The following WWOX variants were observed in gnomAD, a reference collection of about 807,000 sequenced individuals.
WWOX encodes WW domain containing oxidoreductase.
WWOX carries 69 observed loss-of-function variants against 46.2 expected under a neutral mutation model. The ratio of observed to expected loss-of-function variants is 1.49; its 90% CI spans 1.23 to 1.82. The LOEUF is 1.82. Among genes scored for constraint, WWOX ranks in the 40% most tolerant of loss-of-function variants. The probability of loss-of-function intolerance (pLI) is 0.00; values close to 1 mark genes in which losing one functional copy is unlikely to be tolerated. For missense variants in WWOX, 919 were observed against 542.6 expected, an observed-to-expected ratio of 1.69 and a Z score of -6.89; for synonymous variants, 359 against 202.6, an observed-to-expected ratio of 1.77 and a Z score of -6.56.
At chr16:78,186,456 T>C (rs1442614670) in intron 5 of WWOX, among the ~76,000 whole-genome samples, 1 of 152,254 alleles carries the variant, frequency 6.6e-6, no homozygotes, top group Non-Finnish European at 1.5e-5. Flanking sequence ...ATTCTTTACA[T>C]TCGTCTTTTA....
At chr16:78,506,937 C>T (rs1479819785) in intron 8 of WWOX, among the ~76,000 whole-genome samples, 4 of 152,080 alleles carry the variant, frequency 2.6e-5, no homozygotes, top group African/African-American at 4.8e-5. Context: ...TGGTCTTGAA[C>T]TCCTGACCTC....
chr16:79,133,566 T>C (rs1271050041), intron 8 of WWOX, among the ~76,000 whole-genome samples: 1 of 152,228 alleles, frequency 6.6e-6, no homozygotes, highest in East Asian at 1.9e-4. Flanking sequence ...TCTGTTTCTT[T>C]ATTATTTTAA....
intron 8 of WWOX, among the ~76,000 whole-genome samples, chr16:79,130,279 A>G (rs1204017900): frequency 6.6e-6 from 1 of 152,238 alleles, no homozygotes; most frequent in South Asian, 2.1e-4. Flanking sequence ...AGTGCTTAGC[A>G]TAGTGCCTGC....
chr16:78,712,388 G>GT (rs1199563813), intron 8 of WWOX, among the ~76,000 whole-genome samples: 4 of 152,010 alleles, frequency 2.6e-5, no homozygotes, highest in Admixed American at 1.3e-4. Flanking sequence ...TGTAGGCCTA[G>GT]TTACTTGGGA....
intron 5 of WWOX, among the ~76,000 whole-genome samples, chr16:78,250,381 T>C (rs2037952253): frequency 6.6e-6 from 1 of 152,218 alleles, no homozygotes; most frequent in Non-Finnish European, 1.5e-5. Flanking sequence ...CTTTGTTTTT[T>C]CCTCTGTAAT....
At chr16:78,372,810 C>G (rs1279947303) in intron 5 of WWOX, among the ~76,000 whole-genome samples, 2 of 152,182 alleles carry the variant, frequency 1.3e-5, no homozygotes, top group Non-Finnish European at 2.9e-5. Flanking sequence ...CTTTCCTAGA[C>G]TTGAATCTCA....
At chr16:78,198,756 A>G (rs981602104) in intron 5 of WWOX, among the ~76,000 whole-genome samples, 2 of 152,168 alleles carry the variant, frequency 1.3e-5, no homozygotes, top group African/African-American at 4.8e-5. Context: ...CAGATTTTGT[A>G]TATTTCGCAT....
intron 8 of WWOX, among the ~76,000 whole-genome samples, chr16:78,840,984 G>A (rs1340922835): frequency 6.6e-6 from 1 of 152,030 alleles, no homozygotes; most frequent in Non-Finnish European, 1.5e-5. Context: ...GTGGCCTTTG[G>A]CACTTAGCAG....
At chr16:78,937,841 T>A (rs1426695279) in intron 8 of WWOX, among the ~76,000 whole-genome samples, 1 of 152,138 alleles carries the variant, frequency 6.6e-6, no homozygotes, top group Non-Finnish European at 1.5e-5. Flanking sequence ...TTGGCCAGGC[T>A]GGTCTGGAAC....
At chr16:78,568,518 C>T (rs1482969088) in intron 8 of WWOX, among the ~76,000 whole-genome samples, 3 of 149,810 alleles carry the variant, frequency 2.0e-5, no homozygotes, top group African/African-American at 7.4e-5. Context: ...CTCTTTCACC[C>T]AGGCTGGAGT....
intron 8 of WWOX, among the ~76,000 whole-genome samples, chr16:79,187,342 C>G (rs1257694802): frequency 1.3e-5 from 2 of 152,184 alleles, no homozygotes; most frequent in Non-Finnish European, 2.9e-5. Flanking sequence ...AAGCATTGAT[C>G]AAATACCTCC....
chr16:78,619,879 G>T lies in WWOX; in HGVS notation c.1056+187127G>T, dbSNP rs150749636. ...CACCGTTGTACTCCATCTAGCCTGGGCGACAGAGTGAGAACCTGTCTCCAA... is the reference window on the plus strand; with the variant it reads ...CACCGTTGTACTCCATCTAGCCTGGTCGACAGAGTGAGAACCTGTCTCCAA... On this transcript the variant is annotated intron_variant, in intron 8 of 8. Transcript: ENST00000566780. 2.5e-3 allele frequency among the ~76,000 whole-genome samples: 383 copies of T among 152,156 alleles called. 1 individual carries two copies. Among genetic ancestry groups the T allele is most frequent in the African/African-American group, 8.7e-3 (363 of 41,512 alleles).
chr16:79,134,340 T>C (rs909271483), intron 8 of WWOX, among the ~76,000 whole-genome samples: 1 of 152,014 alleles, frequency 6.6e-6, no homozygotes, highest in African/African-American at 2.4e-5. Flanking sequence ...GTGGATTTAT[T>C]GGAGAAGATA....
chr16:78,735,007 C>T (rs2049053324), intron 8 of WWOX, among the ~76,000 whole-genome samples: 2 of 151,454 alleles, frequency 1.3e-5, no homozygotes, highest in Middle Eastern at 6.8e-3. Flanking sequence ...GCTGGGATTA[C>T]AGGCACCCAC....
intron 8 of WWOX, among the ~76,000 whole-genome samples, chr16:78,505,601 G>C (rs1402724445): frequency 1.3e-5 from 2 of 152,118 alleles, no homozygotes; most frequent in African/African-American, 2.4e-5. Context: ...GGGCCAGCCA[G>C]CCTCACCAAA....
intron 8 of WWOX, among the ~76,000 whole-genome samples, chr16:79,095,004 C>T (rs1457322558): frequency 6.6e-6 from 1 of 152,120 alleles, no homozygotes; most frequent in Non-Finnish European, 1.5e-5. Flanking sequence ...ATGGTTCTGG[C>T]TTATTTCTAA....
At chr16:78,379,923 G>T (rs149350121) in intron 5 of WWOX, among the ~76,000 whole-genome samples, 1 of 152,138 alleles carries the variant, frequency 6.6e-6, no homozygotes, top group East Asian at 1.9e-4. Flanking sequence ...TTGAAGTGTC[G>T]GAAGGATGGA....
intron 8 of WWOX, among the ~76,000 whole-genome samples, chr16:78,656,983 G>C (rs1241842183): frequency 6.6e-6 from 1 of 152,124 alleles, no homozygotes; most frequent in Non-Finnish European, 1.5e-5. Context: ...TAGGGTCTTC[G>C]GGCACATGGT....
At chr16:78,103,242 G>GTTTTTTTTTTTT (rs74264852) in intron 1 of WWOX, among the ~76,000 whole-genome samples, 1 of 142,606 alleles carries the variant, frequency 7.0e-6, no homozygotes, top group African/African-American at 2.7e-5. Context: ...TGGCTCCGCT[G>GTTTTTTTTTTTT]TTTTTTTTTT....
Sources: gnomAD v4.1 joint callset for allele counts (sites outside exome capture counted in the v4.1 genomes callset) on GRCh38, gnomAD v4.1.1 for gene constraint, MANE v1.5 for transcripts, NCBI Gene and HGNC (gene_info 2026-07-23, HGNC 2026-07-21) for gene names.